Variants in PPP4R3B observed in about 807,000 individuals in gnomAD.
The protein encoded by PPP4R3B is protein phosphatase 4 regulatory subunit 3B.
Under a neutral mutation model 95.4 loss-of-function variants are expected in PPP4R3B, and 52 were observed. That is an observed-to-expected ratio of 0.54 (90% CI 0.44 to 0.69). PPP4R3B has a LOEUF of 0.69. Ranked by LOEUF, PPP4R3B falls within the 30% of genes least tolerant of loss-of-function variation. The pLI is 0.00. For synonymous variants in PPP4R3B, 407 were observed against 343.9 expected (o/e 1.18, Z -2.03); for missense variants, 1,003 against 1,005.9 (o/e 1.00, Z 0.04).
intron 13 of PPP4R3B, among the ~76,000 whole-genome samples, chr2:55,567,753 A>C (rs911468162): frequency 2.6e-5 from 4 of 152,122 alleles, no homozygotes; most frequent in African/African-American, 9.7e-5. Context: ...ATTCTTTTTA[A>C]ATCATTACCT....
chr2:55,564,448 A>T lies in PPP4R3B; in HGVS notation c.2125T>A (p.Leu709Met), dbSNP rs1372870511. 9 of 1,613,046 alleles carry T rather than the reference A, an allele frequency of 5.6e-6. No individual in the cohort carries two copies. ...AACCACATTTCTTCATCCTCTTCCA[A>T]GGCTTTTGCATCTCTGCGAAATCTG... ...SNRFRRDAKA[L>M]EEDEEMWFNE... Residue 709 changes from leucine to methionine, a missense_variant, in exon 15 of 17, where the codon TTG (leucine) becomes ATG (methionine). This residue lies in a region of PPP4R3B where 229 missense variants were observed against 194.7 expected (regional missense o/e 1.18). Transcript: ENST00000616407.
chr2:55,551,142 T>A (rs912307185), intron 16 of PPP4R3B, among the ~76,000 whole-genome samples: 20 of 151,978 alleles, frequency 1.3e-4, no homozygotes, highest in African/African-American at 4.8e-4. Context: ...ACCTGAGAGA[T>A]AATGAGTTCA....
At chr2:55,595,022 T>C (rs776757100) in intron 4 of PPP4R3B, among the ~76,000 whole-genome samples, 19 of 151,010 alleles carry the variant, frequency 1.3e-4, no homozygotes, top group Non-Finnish European at 2.5e-4. Flanking sequence ...AGGACCCTTT[T>C]AAACTTTTTT....
intron 15 of PPP4R3B, among the ~76,000 whole-genome samples, chr2:55,560,436 A>C (rs924558170): frequency 1.3e-5 from 2 of 152,186 alleles, no homozygotes; most frequent in Admixed American, 1.3e-4. Context: ...CTTGAGAGAG[A>C]TGATTTAGGA....
At position 55,617,398 on chromosome 2, in the gene PPP4R3B, C is replaced by T. The variant is rs539376540; in HGVS notation, c.-113G>A. The T allele has an allele frequency of 2.4e-6, 3 of 1,243,688 alleles. No individual in the cohort carries two copies. Among genetic ancestry groups the T allele is most frequent in the South Asian group, 1.8e-5 (1 of 55,566 alleles). The allele number at this position is 1,243,688 out of a possible 1,614,324, so 77.0% of individuals were successfully genotyped here. On this transcript the variant is annotated 5_prime_UTR_variant, in exon 1 of 17. Coordinates refer to ENST00000616407, the MANE Select transcript of PPP4R3B (RefSeq NM_001122964.3). Reference sequence around the variant, plus strand: ...GTGGCGGTGGCGGCGGCGGCGGCTTCGGAGAGGCCCGAATTCACCATGGCT... The same window carrying T: ...GTGGCGGTGGCGGCGGCGGCGGCTTTGGAGAGGCCCGAATTCACCATGGCT...
At position 55,581,438 on chromosome 2, in the gene PPP4R3B, A is replaced by G. The variant is rs1018156361; in HGVS notation, c.1365+129T>C. 12 of 972,118 alleles carry G rather than the reference A, an allele frequency of 1.2e-5. 1 individual carries two copies. The highest frequency in any genetic ancestry group is 5.7e-5 in the South Asian group (3 of 52,310). 60.2% of individuals were successfully genotyped at this position (972,118 alleles called of 1,614,324 possible). ...TGTATTTTACCACAAATGAATTGCT[A>G]TAAGAATACCACTGCTACTTAAATA... On this transcript the variant is annotated intron_variant, in intron 8 of 16. Coordinates refer to ENST00000616407, the MANE Select transcript of PPP4R3B (RefSeq NM_001122964.3).
rs70954131 is a variant in PPP4R3B, at chr2:55,574,935, CTTT to C, written c.1607-1161_1607-1159del. On this transcript the variant is annotated intron_variant, in intron 11 of 16. Coordinates refer to ENST00000616407, the MANE Select transcript of PPP4R3B (RefSeq NM_001122964.3). Reference sequence around the variant, plus strand: ...TTTAATATAATTTCATATACAACTTCTTTTTTTTTTTTTTTTTTTTGAGACGGA... The same window carrying C: ...TTTAATATAATTTCATATACAACTTCTTTTTTTTTTTTTTTTTGAGACGGA... Among the ~76,000 whole-genome samples, 610 of 99,300 alleles carry C rather than the reference CTTT, an allele frequency of 6.1e-3. 1 individual carries two copies. The highest frequency in any genetic ancestry group is 0.015 in the African/African-American group (409 of 26,794). 65.1% of individuals were successfully genotyped at this position (99,300 alleles called of 152,430 possible).
At chr2:55,596,233 G>A (rs943273430) in intron 4 of PPP4R3B, among the ~76,000 whole-genome samples, 1 of 152,116 alleles carries the variant, frequency 6.6e-6, no homozygotes, top group Admixed American at 6.6e-5. Context: ...GCTCTTTGAG[G>A]CCGAAGCAAA....
intron 2 of PPP4R3B, among the ~76,000 whole-genome samples, chr2:55,610,332 TA>T (rs896503210): frequency 1.7e-4 from 26 of 152,182 alleles, no homozygotes; most frequent in African/African-American, 6.3e-4. Flanking sequence ...CTCATTTCTT[TA>T]AACACAGTAT....
intron 10 of PPP4R3B, among the ~76,000 whole-genome samples, chr2:55,577,925 G>A (rs895950522): frequency 1.3e-5 from 2 of 152,030 alleles, no homozygotes; most frequent in African/African-American, 2.4e-5. Context: ...GAATGTAACT[G>A]GAGCATTATT....
At chr2:55,592,316 A>G (rs1368652460) in intron 4 of PPP4R3B, among the ~76,000 whole-genome samples, 1 of 152,200 alleles carries the variant, frequency 6.6e-6, no homozygotes, top group Non-Finnish European at 1.5e-5. Flanking sequence ...CAAATAATTA[A>G]TGAGGTTTTT....
Position 55,558,826 on chromosome 2 carries a change from A to G in PPP4R3B, c.2403T>C (p.Asn801=). The change falls in exon 16 of 17, where the codon AAT becomes AAC. Residue 801 remains asparagine, a synonymous_variant. Transcript: ENST00000616407. ...AGTTTGTGGTTTTGGAAGAGGATCC[A>G]TTAGAAGTTGCTGGTGGTATCTGAG... ...VVAQIPPATS[N]GSSSKTTNLP... is the part of the protein sequence containing the mutation. 1.2e-6 allele frequency: 2 copies of G among 1,613,600 alleles called. No individual in the cohort carries two copies. The highest frequency in any genetic ancestry group is 1.7e-6 in the Non-Finnish European group (2 of 1,179,698).
At chr2:55,560,151 C>T (rs770202875) in intron 15 of PPP4R3B, among the ~76,000 whole-genome samples, 27 of 151,918 alleles carry the variant, frequency 1.8e-4, no homozygotes, top group Admixed American at 7.2e-4. Flanking sequence ...AATGTGGAAG[C>T]GACTTTGGAA....
intron 16 of PPP4R3B, among the ~76,000 whole-genome samples, chr2:55,556,255 C>T (rs1299136954): frequency 3.3e-5 from 5 of 152,178 alleles, no homozygotes; most frequent in African/African-American, 1.2e-4. Context: ...CCCAAGAACA[C>T]TGTTTTTATC....
intron 13 of PPP4R3B, among the ~76,000 whole-genome samples, chr2:55,565,541 A>G (rs902898593): frequency 4.6e-5 from 7 of 152,170 alleles, no homozygotes; most frequent in African/African-American, 1.4e-4. Context: ...GGATACCCCA[A>G]ATACCCGGAC....
intron 5 of PPP4R3B, among the ~76,000 whole-genome samples, chr2:55,587,067 T>G (rs1202880083): frequency 1.3e-5 from 2 of 152,208 alleles, no homozygotes; most frequent in African/African-American, 4.8e-5. Flanking sequence ...AAGTGAACCT[T>G]TGAAATATGT....
intron 15 of PPP4R3B, among the ~76,000 whole-genome samples, chr2:55,561,371 C>T (rs538714723): frequency 4.6e-5 from 7 of 152,310 alleles, no homozygotes; most frequent in South Asian, 4.1e-4. Flanking sequence ...TAGGGCAGTG[C>T]GGAAGGGAAA....
chr2:55,614,161 T>C (rs1192721525), intron 2 of PPP4R3B: 4 of 152,336 alleles, frequency 2.6e-5, no homozygotes, highest in African/African-American at 7.2e-5. Context: ...CAGTAAGACT[T>C]TGTAATAATA....
chr2:55,591,711 C>T, intron 4 of PPP4R3B: 8 of 933,194 alleles, frequency 8.6e-6, no homozygotes, highest in Non-Finnish European at 1.0e-5. Flanking sequence ...TAAAATATTA[C>T]AGATAGAGGC....
Sources: gnomAD v4.1 joint callset for allele counts (sites outside exome capture counted in the v4.1 genomes callset) on GRCh38, gnomAD v4.1.1 for gene constraint, gnomAD v4.1.1 regional missense constraint, MANE v1.5 for transcripts, NCBI Gene and HGNC (gene_info 2026-07-23, HGNC 2026-07-21) for gene names.